GSE1: variants seen among roughly 807,000 people sequenced by gnomAD.
GSE1 encodes the protein genetic suppressor element 1.
In GSE1, 32 loss-of-function variants were observed where a neutral mutation model predicts 112.6. The ratio of observed to expected loss-of-function variants is 0.28; its 90% CI spans 0.21 to 0.38. The LOEUF is 0.38. GSE1 is among the 10% of genes least tolerant of loss of function. The pLI, the probability that GSE1 is intolerant of heterozygous loss-of-function variation, is 1.00. For missense variants in GSE1, 2,348 were observed against 1,699.2 expected (o/e 1.38, Z -6.71); for synonymous variants, 1,115 against 735.6 (o/e 1.52, Z -8.35).
rs56046152 is a variant in GSE1 at position 85,324,549 on chromosome 16, C to T, written c.2284-32914C>T. 2.9e-3 allele frequency among the ~76,000 whole-genome samples: 438 copies of T among 151,846 alleles called. 4 individuals carry two copies. Among genetic ancestry groups the T allele is most frequent in the African/African-American group, 0.01 (419 of 41,404 alleles). ...AAAGAAAAAGAAAACATCGGAACAT[C>T]GGTTCCACAAAAGCCTGTGCACACA... On this transcript the variant is annotated intron_variant, in intron 1 of 2. Coordinates refer to the GSE1 transcript ENST00000637419.
chr16:85,493,808 A>AAAAAC (rs2051085899), intron 2 of GSE1, among the ~76,000 whole-genome samples: 1 of 151,448 alleles, frequency 6.6e-6, no homozygotes. Flanking sequence ...AAAAAAAAAA[A>AAAAAC]AGCCAGCTGT....
Position 85,259,590 on chromosome 16 carries a change from C to G in GSE1, c.2283+87783C>G, listed in dbSNP as rs145003303. 1.3e-4 allele frequency among the ~76,000 whole-genome samples: 20 copies of G among 152,340 alleles called. No individual in the cohort carries two copies. In the East Asian group the frequency reaches 3.9e-3, roughly 29 times the overall value. On this transcript the variant is annotated intron_variant, in intron 1 of 2. Transcript: ENST00000637419. ...AGCTGCCCAGGGCTAGTGGGAGGAGCTGCTTGTCCTGCTGCTGGGGTTTTG... is the reference window on the plus strand; with the variant it reads ...AGCTGCCCAGGGCTAGTGGGAGGAGGTGCTTGTCCTGCTGCTGGGGTTTTG...
rs1226992800 is a variant in GSE1 at position 85,663,475 on chromosome 16, G to A, written c.2505G>A (p.Lys835=). 1.9e-6 allele frequency: 3 copies of A among 1,613,946 alleles called. No homozygotes were observed. The highest frequency in any genetic ancestry group is 2.5e-6 in the Non-Finnish European group (3 of 1,180,026). The change falls in exon 11 of 16, where the codon AAG becomes AAA. Residue 835 remains lysine, a synonymous_variant. Transcript: ENST00000253458. The stretch of plus-strand genomic sequence containing the variant: ...CGTCGCCCCCAACAATTCAGAGCAA[G>A]CGGCAGACGCCTTCACCGAGACTGG... ...RSPSPPTIQS[K]RQTPSPRLAL...
chr16:85,474,713 C>G (rs945142195), intron 2 of GSE1, among the ~76,000 whole-genome samples: 4 of 150,670 alleles, frequency 2.7e-5, no homozygotes, highest in African/African-American at 9.8e-5. Context: ...CCCCTCCTCC[C>G]TCTCCCCACT....
chr16:85,426,690 G>GTAGA (rs5818534), intron 2 of GSE1, among the ~76,000 whole-genome samples: 100,641 of 148,504 alleles, frequency 0.68, 35,223 homozygotes, highest in Non-Finnish European at 0.78. Context: ...GGGAGGATGG[G>GTAGA]TAGATGGGTG....
At chr16:85,441,694 G>T (rs1158629783) in intron 2 of GSE1, among the ~76,000 whole-genome samples, 2 of 152,114 alleles carry the variant, frequency 1.3e-5, no homozygotes, top group Non-Finnish European at 2.9e-5. Flanking sequence ...ATTTGAGCTG[G>T]GTCTTGAGGG....
Position 85,544,496 on chromosome 16 carries a change from G to T in GSE1, c.2465-89418G>T, listed in dbSNP as rs147696443. Among the ~76,000 whole-genome samples the T allele has an allele frequency of 1.5e-3, 231 of 152,304 alleles. 1 individual carries two copies. The highest frequency in any genetic ancestry group is 3.4e-3 in the Middle Eastern group (1 of 294). ...AAGGAAGTGGCTGGGGCTGACTCCAGATTTCTTTGCAAGGTAAAGGCAGAG... is the reference window on the plus strand; with the variant it reads ...AAGGAAGTGGCTGGGGCTGACTCCATATTTCTTTGCAAGGTAAAGGCAGAG... On this transcript the variant is annotated intron_variant, in intron 2 of 2. Coordinates refer to the GSE1 transcript ENST00000637419.
At chr16:85,478,104 A>G (rs181331482) in intron 2 of GSE1, among the ~76,000 whole-genome samples, 144 of 152,246 alleles carry the variant, frequency 9.5e-4, no homozygotes, top group African/African-American at 3.2e-3. Flanking sequence ...TGGTCATTTC[A>G]GAGAAATGGA....
At chr16:85,446,227 G>T (rs1166448612) in intron 2 of GSE1, among the ~76,000 whole-genome samples, 1 of 152,190 alleles carries the variant, frequency 6.6e-6, no homozygotes, top group Non-Finnish European at 1.5e-5. Flanking sequence ...GGACAACAAG[G>T]CCTCTGCTGT....
At chr16:85,657,085 G>A (rs1157302385) in intron 7 of GSE1, among the ~76,000 whole-genome samples, 192 bp from the exon 8 acceptor site, 3 of 152,220 alleles carry the variant, frequency 2.0e-5, no homozygotes, top group South Asian at 2.1e-4. Flanking sequence ...GCCACGGAGC[G>A]TTTCCTTCCA....
chr16:85,610,150 CGCACCAG>C (rs2047902063), upstream of GSE1, among the ~76,000 whole-genome samples: 1 of 152,196 alleles, frequency 6.6e-6, no homozygotes, highest in African/African-American at 2.4e-5. Context: ...TGAGCAAACG[CGCACCAG>C]GCACCAGCAT....
chr16:85,468,721 G>A (rs59331945), intron 2 of GSE1, among the ~76,000 whole-genome samples: 5,021 of 152,232 alleles, frequency 0.033, 252 homozygotes, highest in African/African-American at 0.11. Flanking sequence ...CTGGAGCCAC[G>A]CAGAACAGAT....
At chr16:85,249,271 G>A (rs949819702) in intron 1 of GSE1, among the ~76,000 whole-genome samples, 5 of 152,218 alleles carry the variant, frequency 3.3e-5, no homozygotes, top group African/African-American at 7.2e-5. Flanking sequence ...CCCAGAGCCC[G>A]TCTCTGACTT....
At chr16:85,644,813 A>C (rs1324124820) in intron 2 of GSE1, among the ~76,000 whole-genome samples, 1 of 151,840 alleles carries the variant, frequency 6.6e-6, no homozygotes, top group African/African-American at 2.4e-5. Context: ...TAGCTCGGTG[A>C]AGCTATAACA....
intron 2 of GSE1, among the ~76,000 whole-genome samples, chr16:85,377,291 G>T (rs970898224): frequency 2.0e-5 from 3 of 152,168 alleles, no homozygotes; most frequent in African/African-American, 7.2e-5. Flanking sequence ...GAATTGCAGG[G>T]TGCCATGCTG....
chr16:85,509,866 GC>G (rs1174657562), intron 2 of GSE1, among the ~76,000 whole-genome samples: 2 of 152,262 alleles, frequency 1.3e-5, no homozygotes, highest in African/African-American at 2.4e-5. Context: ...GACCCCCCCA[GC>G]CCCCACGTCC....
At chr16:85,486,179 C>G (rs1347836211) in intron 2 of GSE1, among the ~76,000 whole-genome samples, 1 of 152,192 alleles carries the variant, frequency 6.6e-6, no homozygotes, top group Non-Finnish European at 1.5e-5. Context: ...TCCCTTCCTC[C>G]CTGCCTGCCT....
At chr16:85,670,708 G>A in intron 14 of GSE1, 1 of 196,800 alleles carries the variant, frequency 5.1e-6, no homozygotes, top group Non-Finnish European at 1.0e-5. Flanking sequence ...TTTTTTGAAA[G>A]CTGCATTTTA....
chr16:85,189,864 C>G (rs562217190), intron 1 of GSE1, among the ~76,000 whole-genome samples: 1 of 152,030 alleles, frequency 6.6e-6, no homozygotes, highest in African/African-American at 2.4e-5. Flanking sequence ...TAATGATGTC[C>G]CCCCTTTCAT....
Sources: gnomAD v4.1 joint callset for allele counts (sites outside exome capture counted in the v4.1 genomes callset) on GRCh38, gnomAD v4.1.1 for gene constraint, MANE v1.5 for transcripts, NCBI Gene and HGNC (gene_info 2026-07-23, HGNC 2026-07-21) for gene names.